Variants in GABRR1 observed in about 807,000 individuals in gnomAD.
The protein encoded by GABRR1 is gamma-aminobutyric acid type A receptor subunit rho1.
In GABRR1, 59 loss-of-function variants were observed where a neutral mutation model predicts 55.5. The observed-to-expected ratio is 1.06, with a 90% confidence interval of 0.86 to 1.32. The LOEUF (loss-of-function observed/expected upper bound fraction) is 1.32, where lower values mean the gene tolerates loss of function less well. Among genes scored for constraint, GABRR1 ranks in the 40% most tolerant of loss-of-function variants. The pLI is 0.00. For missense variants in GABRR1, 602 were observed against 619.1 expected, an observed-to-expected ratio of 0.97 and a Z score of 0.29; for synonymous variants, 213 against 226.0, an observed-to-expected ratio of 0.94 and a Z score of 0.51.
At chr6:89,180,625 AC>A in intron 8 of GABRR1, 137 bp from the exon 9 acceptor site, 2 of 1,022,196 alleles carry the variant, frequency 2.0e-6, no homozygotes, top group Non-Finnish European at 2.8e-6. Flanking sequence ...CCCAGCAAAC[AC>A]CTACACATCT....
At chr6:89,179,193 C>CTGTTT (rs1024972869) in intron 9 of GABRR1, 130 bp from the exon 10 acceptor site, 18 of 943,678 alleles carry the variant, frequency 1.9e-5, no homozygotes, top group East Asian at 5.3e-5. Context: ...GGTAGGTATC[C>CTGTTT]TGTTTTGTTT....
In GABRR1 at chr6:89,180,404, T is replaced by C; in HGVS notation, c.1034A>G (p.Asp345Gly). The change falls in exon 9 of 10, where the codon GAC (aspartate) becomes GGC (glycine). Residue 345 changes from aspartate to glycine, a missense_variant. Asp to Gly is a moderately conservative substitution (Grantham distance 94). This residue lies in a region of GABRR1 where 28 missense variants were observed against 53.9 expected (regional missense o/e 0.52). Transcript: ENST00000454853. ...MPRVSYIKAV[D>G]IYLWVSFVFV... ...CACAAAGCTGACCCAGAGGTAGATG[T>C]CCACGGCCTTGATGTAGGAGACGCG... The C allele has an allele frequency of 6.2e-7, 1 of 1,613,862 alleles. No homozygotes were observed.
At chr6:89,217,370 A>C (rs1012144071), upstream of GABRR1, 1 of 1,599,856 alleles carries the variant, frequency 6.3e-7, no homozygotes, top group African/African-American at 1.3e-5. Flanking sequence ...AAAAAGGAAA[A>C]GATTGTTCTT....
At chr6:89,199,457 C>T in intron 3 of GABRR1, 28 bp from the exon 4 acceptor site, 1 of 1,609,452 alleles carries the variant, frequency 6.2e-7, no homozygotes, top group Non-Finnish European at 8.5e-7. Flanking sequence ...CAAGAGCATT[C>T]ACTGTTTTTA....
chr6:89,201,025 T>C (rs1029361847), intron 3 of GABRR1, 134 bp downstream of exon 3: 16 of 670,802 alleles, frequency 2.4e-5, no homozygotes, highest in East Asian at 5.1e-5. Context: ...GTGGGCTCGA[T>C]GTCTTGTCCA....
upstream of GABRR1, among the ~76,000 whole-genome samples, chr6:89,221,716 T>C (rs1447946975): frequency 2.6e-5 from 4 of 152,094 alleles, no homozygotes; most frequent in Admixed American, 2.6e-4. Context: ...CTGAGCTCAA[T>C]GCCTAAACAT....
upstream of GABRR1, among the ~76,000 whole-genome samples, chr6:89,222,082 A>C (rs1773122740): frequency 6.6e-6 from 1 of 152,210 alleles, no homozygotes; most frequent in Non-Finnish European, 1.5e-5. Context: ...CAGAGAAGAC[A>C]TGAAAAGCAA....
At chr6:89,211,096 G>C (rs954109079) in intron 1 of GABRR1, among the ~76,000 whole-genome samples, 2 of 152,182 alleles carry the variant, frequency 1.3e-5, no homozygotes, top group Non-Finnish European at 2.9e-5. Flanking sequence ...GTCGTAATCA[G>C]CAGGGAGACA....
At chr6:89,188,752 T>A (rs1205252381) in intron 6 of GABRR1, among the ~76,000 whole-genome samples, 1 of 152,190 alleles carries the variant, frequency 6.6e-6, no homozygotes, top group South Asian at 2.1e-4. Flanking sequence ...ATGCACAAAA[T>A]TGACAATTTT....
chr6:89,179,971 A>C (rs1771666228), intron 9 of GABRR1, among the ~76,000 whole-genome samples: 1 of 152,154 alleles, frequency 6.6e-6, no homozygotes, highest in African/African-American at 2.4e-5. Flanking sequence ...ACTATGTTAA[A>C]TTGTCATTTA....
chr6:89,184,387 T>C (rs9344911), intron 7 of GABRR1, among the ~76,000 whole-genome samples: 22,934 of 150,284 alleles, frequency 0.15, 1,972 homozygotes, highest in Admixed American at 0.25. Flanking sequence ...GCAGGCAAGC[T>C]CCCAGGAGAA....
rs1315757693 is a variant in GABRR1 at position 89,177,930 on chromosome 6, C to T, written c.*840G>A. The T allele has an allele frequency of 6.6e-6, 1 of 152,136 alleles. No individual in the cohort carries two copies. The highest frequency in any genetic ancestry group is 1.5e-5 in the Non-Finnish European group (1 of 68,028). 9.4% of individuals were successfully genotyped at this position (152,136 alleles called of 1,614,324 possible). A position where few individuals can be genotyped will look rare whatever the true frequency, so the allele number is the denominator to read the frequency against. ...GAAGAAATCATTCTCTACCCAAGTTCCTCAGTGAAGATATCACATCACTGA... is the reference window on the plus strand; with the variant it reads ...GAAGAAATCATTCTCTACCCAAGTTTCTCAGTGAAGATATCACATCACTGA... On this transcript the variant is annotated 3_prime_UTR_variant, in exon 10 of 10. Coordinates refer to ENST00000454853, the MANE Select transcript of GABRR1 (RefSeq NM_002042.5).
At chr6:89,220,016 G>T (rs1404239365), upstream of GABRR1, among the ~76,000 whole-genome samples, 1 of 152,192 alleles carries the variant, frequency 6.6e-6, no homozygotes, top group Non-Finnish European at 1.5e-5. Context: ...AGCATGGTTG[G>T]ATACTTAAGT....
chr6:89,185,744 T>C (rs1771883050), intron 6 of GABRR1, among the ~76,000 whole-genome samples: 1 of 152,220 alleles, frequency 6.6e-6, no homozygotes, highest in Non-Finnish European at 1.5e-5. Flanking sequence ...TTAAATCAAA[T>C]GGAATTCTAT....
rs748323218 is a variant in GABRR1 at position 89,179,072 on chromosome 6, A to G, written c.1147-9T>C. The G allele has an allele frequency of 1.2e-6, 2 of 1,611,528 alleles. No homozygotes were observed. Among genetic ancestry groups the G allele is most frequent in the East Asian group, 2.2e-5 (1 of 44,876 alleles). ...CCGCTGGTGCAGGGAAGCTGCAAAC[A>G]GTAAACACATGTTGGGGTGTGAGCT... On this transcript the variant is annotated splice_polypyrimidine_tract_variant and intron_variant, in intron 9 of 9. Coordinates refer to ENST00000454853, the MANE Select transcript of GABRR1 (RefSeq NM_002042.5).
intron 2 of GABRR1, among the ~76,000 whole-genome samples, chr6:89,201,800 G>C (rs1033822697): frequency 1.3e-5 from 2 of 150,990 alleles, no homozygotes; most frequent in African/African-American, 4.9e-5. Context: ...AAAAAATACC[G>C]ATGCCCAGGC....
At chr6:89,231,177 A>C (rs1029508113) in intron 1 of GABRR1, 5 of 156,450 alleles carry the variant, frequency 3.2e-5, no homozygotes, top group African/African-American at 1.2e-4. Context: ...CTCCCTAGAG[A>C]GATGAACCCG....
At chr6:89,212,435 A>C (rs1772855933) in intron 1 of GABRR1, among the ~76,000 whole-genome samples, 1 of 150,262 alleles carries the variant, frequency 6.7e-6, no homozygotes, top group South Asian at 2.2e-4. Flanking sequence ...TCTCTCTGAA[A>C]TGGAAATCTG....
At chr6:89,181,124 CTA>C in intron 8 of GABRR1, among the ~76,000 whole-genome samples, 1 of 152,344 alleles carries the variant, frequency 6.6e-6, no homozygotes, top group East Asian at 1.9e-4. Context: ...ACTGTTCAAG[CTA>C]TGGAACAACT....
Sources: allele counts gnomAD v4.1 joint callset (sites outside exome capture counted in the v4.1 genomes callset), GRCh38; gene constraint gnomAD v4.1.1; regional missense constraint gnomAD v4.1.1; transcripts MANE v1.5; gene names NCBI Gene and HGNC (gene_info 2026-07-23, HGNC 2026-07-21).